Variants in TMEFF1 observed in about 807,000 individuals in gnomAD.
TMEFF1 encodes the protein transmembrane protein with EGF like and two follistatin like domains 1, also known as tomoregulin-1.
A neutral mutation model predicts 47.5 loss-of-function variants in TMEFF1; 20 were observed. The observed-to-expected ratio is 0.42, with a 90% CI of 0.30 to 0.61. TMEFF1 has a LOEUF of 0.61. Among genes scored for constraint, TMEFF1 ranks in the 20% least tolerant of loss-of-function variants. The probability of loss-of-function intolerance (pLI) is 0.19; values close to 1 mark genes in which losing one functional copy is unlikely to be tolerated. For synonymous variants in TMEFF1, 162 were observed against 166.3 expected (o/e 0.97, Z 0.20); for missense variants, 411 against 471.1 (o/e 0.87, Z 1.18).
chr9:100,531,406 A>G (rs1838374252), intron 5 of TMEFF1, among the ~76,000 whole-genome samples: 1 of 152,258 alleles, frequency 6.6e-6, no homozygotes, highest in South Asian at 2.1e-4. Context: ...ATACAAAATC[A>G]GTGTACAAAA....
intron 7 of TMEFF1, among the ~76,000 whole-genome samples, chr9:100,559,915 T>C (rs1429313147): frequency 1.3e-5 from 2 of 152,188 alleles, no homozygotes; most frequent in Non-Finnish European, 2.9e-5. Context: ...CTCTCTGCTT[T>C]AGTTCCACTG....
chr9:100,511,851 G>A (rs1837972637), intron 3 of TMEFF1, among the ~76,000 whole-genome samples: 1 of 152,096 alleles, frequency 6.6e-6, no homozygotes, highest in African/African-American at 2.4e-5. Context: ...GTAGGTTGGG[G>A]CAATGCGTAC....
At position 100,524,914 on chromosome 9, in the gene TMEFF1, C is replaced by G. The variant is rs552943077; in HGVS notation, c.560+8143C>G. ...CCAGACCCCCACCCCTGGCAGGCCC[C>G]GGTGTGTGATGAGGAACTTCATTAT... On this transcript the variant is annotated intron_variant, in intron 5 of 9. Transcript: ENST00000374879. Among the ~76,000 whole-genome samples the G allele has an allele frequency of 7.2e-5, 11 of 152,206 alleles. No homozygotes were observed. In the East Asian group the frequency reaches 2.1e-3, roughly 29 times the overall value.
intron 2 of TMEFF1, among the ~76,000 whole-genome samples, chr9:100,504,631 CTTTG>C (rs1837822546): frequency 6.6e-6 from 1 of 152,148 alleles, no homozygotes; most frequent in African/African-American, 2.4e-5. Flanking sequence ...TTCATAACAA[CTTTG>C]TTAGGTAGGT....
At chr9:100,569,289 C>T (rs1255453481) in intron 8 of TMEFF1, among the ~76,000 whole-genome samples, 2 of 152,100 alleles carry the variant, frequency 1.3e-5, no homozygotes, top group African/African-American at 4.8e-5. Flanking sequence ...TTTTTATTTC[C>T]ATGATGGCTA....
chr9:100,535,402 G>T (rs1439917724), intron 5 of TMEFF1, among the ~76,000 whole-genome samples: 2 of 152,174 alleles, frequency 1.3e-5, no homozygotes, highest in African/African-American at 4.8e-5. Context: ...TGAAAGGAAA[G>T]AAGCACTTCC....
chr9:100,510,396 C>G (rs1176453718), intron 3 of TMEFF1, among the ~76,000 whole-genome samples: 3 of 152,184 alleles, frequency 2.0e-5, no homozygotes, highest in Non-Finnish European at 4.4e-5. Flanking sequence ...ACAGAGTTAA[C>G]TCCTCCTAGT....
chr9:100,499,612 A>C (rs1269190336), intron 2 of TMEFF1, among the ~76,000 whole-genome samples: 1 of 152,154 alleles, frequency 6.6e-6, no homozygotes, highest in Admixed American at 6.5e-5. Context: ...AAGAAAGGGC[A>C]CAGAAATCAG....
chr9:100,559,403 T>C (rs1358917707), intron 7 of TMEFF1, among the ~76,000 whole-genome samples: 2 of 152,236 alleles, frequency 1.3e-5, no homozygotes, highest in African/African-American at 4.8e-5. Flanking sequence ...ATTAGTGATC[T>C]GTTTTGCACT....
At chr9:100,525,487 C>T (rs773667935) in intron 5 of TMEFF1, among the ~76,000 whole-genome samples, 2 of 151,940 alleles carry the variant, frequency 1.3e-5, no homozygotes, top group South Asian at 4.2e-4. Flanking sequence ...CCAGAAGGGT[C>T]CTGAGTGCAG....
chr9:100,566,065 C>T (rs1000190236), intron 8 of TMEFF1, among the ~76,000 whole-genome samples: 1 of 152,206 alleles, frequency 6.6e-6, no homozygotes, highest in African/African-American at 2.4e-5. Context: ...TGTTCACCCC[C>T]TCCTGTGTGA....
intron 5 of TMEFF1, chr9:100,518,571 AATACG>A (rs2118395504): frequency 2.3e-6 from 2 of 886,958 alleles, no homozygotes; most frequent in East Asian, 2.4e-4. Context: ...ACAAGAGGAA[AATACG>A]AAGGAAGCAG....
chr9:100,516,879 C>CTGTG, intron 5 of TMEFF1, 108 bp downstream of exon 5: 1 of 1,371,768 alleles, frequency 7.3e-7, no homozygotes. Context: ...TGTGTGTTTT[C>CTGTG]AAATTTTTTT....
At chr9:100,533,742 C>G (rs1838447570) in intron 5 of TMEFF1, among the ~76,000 whole-genome samples, 1 of 151,562 alleles carries the variant, frequency 6.6e-6, no homozygotes, top group South Asian at 2.1e-4. Context: ...TTTTTTGAGA[C>G]AGAGTCTCGC....
intron 9 of TMEFF1, among the ~76,000 whole-genome samples, chr9:100,574,863 T>C (rs1476018577): frequency 6.6e-6 from 1 of 152,200 alleles, no homozygotes; most frequent in African/African-American, 2.4e-5. Context: ...AACTACTCAA[T>C]TAAAATTACC....
At chr9:100,568,990 T>C (rs1839178603) in intron 8 of TMEFF1, among the ~76,000 whole-genome samples, 1 of 152,208 alleles carries the variant, frequency 6.6e-6, no homozygotes, top group African/African-American at 2.4e-5. Flanking sequence ...GATGAAAATT[T>C]AGGTTCTTTC....
intron 1 of TMEFF1, among the ~76,000 whole-genome samples, chr9:100,480,673 G>A (rs765595825): frequency 2.0e-5 from 3 of 152,112 alleles, no homozygotes; most frequent in Non-Finnish European, 4.4e-5. Flanking sequence ...AAGGAAGTGG[G>A]GAACTGTGTT....
chr9:100,493,316 G>C (rs112722677), intron 1 of TMEFF1, among the ~76,000 whole-genome samples: 1 of 152,138 alleles, frequency 6.6e-6, no homozygotes, highest in Admixed American at 6.5e-5. Flanking sequence ...TTGGCTCTCC[G>C]TGAGTGTTAG....
intron 1 of TMEFF1, among the ~76,000 whole-genome samples, chr9:100,475,229 C>T (rs570272348): frequency 2.6e-5 from 4 of 152,130 alleles, no homozygotes; most frequent in Admixed American, 2.0e-4. Flanking sequence ...CTAAATGAAG[C>T]AAGCCTTTGG....
Sources: gnomAD v4.1 joint callset for allele counts (sites outside exome capture counted in the v4.1 genomes callset) on GRCh38, gnomAD v4.1.1 for gene constraint, MANE v1.5 for transcripts, NCBI Gene and HGNC (gene_info 2026-07-23, HGNC 2026-07-21) for gene names.